The following XKR9 variants were observed in gnomAD, a reference collection of about 807,000 sequenced individuals.
XKR9 encodes the protein XK-related protein 9.
Under a neutral mutation model 32.0 loss-of-function variants are expected in XKR9, and 32 were observed. That is an observed-to-expected ratio of 1.00 (90% CI 0.76 to 1.34). The LOEUF (loss-of-function observed/expected upper bound fraction) is 1.34. XKR9 is among the 40% of genes most tolerant of loss of function. The pLI, the probability that XKR9 is intolerant of heterozygous loss-of-function variation, is 0.00. For synonymous variants in XKR9, 168 were observed against 143.4 expected, an observed-to-expected ratio of 1.17 and a Z score of -1.22; for missense variants, 546 against 429.7, an observed-to-expected ratio of 1.27 and a Z score of -2.39.
Position 70,674,887 on chromosome 8 carries a change from T to A in XKR9, c.-291T>A, listed in dbSNP as rs1818831971. On this transcript the variant is annotated 5_prime_UTR_variant, in exon 2 of 5. Transcript: ENST00000408926. Reference sequence around the variant, plus strand: ...GGGACTTTGAGTCAAAGATGGCTTTTTATATTTGACAAGTAAGTCTATGTT... The same window carrying A: ...GGGACTTTGAGTCAAAGATGGCTTTATATATTTGACAAGTAAGTCTATGTT... 2.0e-5 allele frequency: 3 copies of A among 152,258 alleles called. No homozygotes were observed. The highest frequency in any genetic ancestry group is 2.0e-4 in the Admixed American group (3 of 15,294). The allele number at this position is 152,258 out of a possible 1,614,324, so 9.4% of individuals were successfully genotyped here.
the XKR9 span, among the ~76,000 whole-genome samples, chr8:70,832,128 A>T: frequency 1.3e-5 from 2 of 152,284 alleles, no homozygotes; most frequent in East Asian, 3.9e-4. Context: ...TCTTGAGTGC[A>T]ATTTCCTTTT....
At chr8:70,759,575 C>T (rs1041335132) in intron 2 of XKR9, among the ~76,000 whole-genome samples, 1 of 152,052 alleles carries the variant, frequency 6.6e-6, no homozygotes, top group Admixed American at 6.6e-5. Context: ...GTTATGACAT[C>T]TTGCAGAAGT....
the XKR9 span, among the ~76,000 whole-genome samples, chr8:70,819,174 A>C: frequency 6.6e-6 from 1 of 152,148 alleles, no homozygotes; most frequent in African/African-American, 2.4e-5. Context: ...CTGCATGGAA[A>C]CAGATTTCCT....
At chr8:70,812,410 C>T in the XKR9 span, among the ~76,000 whole-genome samples, 1 of 152,178 alleles carries the variant, frequency 6.6e-6, no homozygotes, top group Non-Finnish European at 1.5e-5. Flanking sequence ...CTCACCACTC[C>T]TATTCAACGT....
the XKR9 span, among the ~76,000 whole-genome samples, chr8:70,870,590 C>T: frequency 6.6e-5 from 10 of 152,122 alleles, no homozygotes; most frequent in African/African-American, 1.9e-4. Context: ...GTCCAAAAGT[C>T]GGTAATTTGC....
At chr8:70,730,751 C>T (rs1178583478) in intron 4 of XKR9, among the ~76,000 whole-genome samples, 6 of 152,156 alleles carry the variant, frequency 3.9e-5, no homozygotes, top group Non-Finnish European at 5.9e-5. Context: ...TGAATCTGGA[C>T]TGCCATTGTC....
At chr8:71,023,526 C>T in the XKR9 span, among the ~76,000 whole-genome samples, 1 of 152,152 alleles carries the variant, frequency 6.6e-6, no homozygotes, top group Non-Finnish European at 1.5e-5. Context: ...CTATCTTTGG[C>T]CCTCCAGGTG....
the XKR9 span, among the ~76,000 whole-genome samples, chr8:70,944,614 G>A: frequency 4.3e-4 from 66 of 152,238 alleles, no homozygotes; most frequent in Non-Finnish European, 7.8e-4. Context: ...AATTTCTTGC[G>A]CTCAGCAGTA....
rs1344495043 is a variant in XKR9, at chr8:70,735,675, C to G, written c.*1251C>G. Reference sequence around the variant, plus strand: ...TCCCCTTCCTGTGTCCATGTGTTCTCATTGTTCAGTTCCCACCTATGAGTG... The same window carrying G: ...TCCCCTTCCTGTGTCCATGTGTTCTGATTGTTCAGTTCCCACCTATGAGTG... On this transcript the variant is annotated 3_prime_UTR_variant, in exon 5 of 5. Coordinates refer to ENST00000408926, the MANE Select transcript of XKR9 (RefSeq NM_001011720.2). The G allele has an allele frequency of 7.2e-6, 1 of 138,436 alleles. No homozygotes were observed. The highest frequency in any genetic ancestry group is 1.5e-5 in the Non-Finnish European group (1 of 66,010). 8.6% of individuals were successfully genotyped at this position (138,436 alleles called of 1,614,324 possible).
At chr8:70,717,849 C>G (rs189661435) in intron 4 of XKR9, among the ~76,000 whole-genome samples, 4 of 152,122 alleles carry the variant, frequency 2.6e-5, no homozygotes, top group South Asian at 2.1e-4. Context: ...CTTTTATGCT[C>G]TGTCACCTCT....
chr8:70,770,811 G>A (rs935885935), intron 2 of XKR9, among the ~76,000 whole-genome samples: 2 of 152,222 alleles, frequency 1.3e-5, no homozygotes, highest in African/African-American at 2.4e-5. Flanking sequence ...CGTGCTGGCA[G>A]TGAGAATTTC....
At chr8:70,956,476 C>T in the XKR9 span, among the ~76,000 whole-genome samples, 1 of 152,172 alleles carries the variant, frequency 6.6e-6, no homozygotes, top group African/African-American at 2.4e-5. Flanking sequence ...ACTCCAGGTG[C>T]CCACTTTGCC....
the XKR9 span, among the ~76,000 whole-genome samples, chr8:70,960,242 TC>T: frequency 0.072 from 9,030 of 125,582 alleles, 382 homozygotes; most frequent in Non-Finnish European, 0.11. Context: ...CAAAACTCCG[TC>T]CCCCCCAAAA....
chr8:71,052,669 T>C, the XKR9 span, among the ~76,000 whole-genome samples: 10,647 of 152,308 alleles, frequency 0.07, 482 homozygotes, highest in Non-Finnish European at 0.092. Context: ...ATTTCTCTCC[T>C]TTCTGCTGGC....
At chr8:70,739,293 C>G (rs112406658), downstream of XKR9, among the ~76,000 whole-genome samples, 1 of 152,052 alleles carries the variant, frequency 6.6e-6, no homozygotes. Context: ...ATTGCAATCC[C>G]TGCCTTTTTT....
the XKR9 span, among the ~76,000 whole-genome samples, chr8:70,975,680 C>A: frequency 2.0e-5 from 3 of 152,178 alleles, no homozygotes; most frequent in African/African-American, 7.2e-5. Flanking sequence ...TAGCGCGATG[C>A]CTCTAGCTTT....
chr8:71,055,859 C>A, the XKR9 span, among the ~76,000 whole-genome samples: 2 of 152,118 alleles, frequency 1.3e-5, no homozygotes, highest in African/African-American at 4.8e-5. Flanking sequence ...TTATATTAAA[C>A]TCAATAATTT....
rs564806573 is a variant in XKR9, at chr8:70,754,136, G to A, written n.353-35203G>A. Among the ~76,000 whole-genome samples, 4 of 145,006 alleles carry A rather than the reference G, an allele frequency of 2.8e-5. 1 individual carries two copies. The highest frequency in any genetic ancestry group is 1.6e-4 in the Admixed American group (2 of 12,688). ...TACACCAATAACAGACAAACAGAGA[G>A]CCAAATCATGAGCAAACTCCCATTC... On this transcript the variant is annotated intron_variant and non_coding_transcript_variant, in intron 2 of 3. Transcript: ENST00000520273.
chr8:70,774,837 T>G (rs1807498173), intron 2 of XKR9, among the ~76,000 whole-genome samples: 1 of 152,178 alleles, frequency 6.6e-6, no homozygotes, highest in South Asian at 2.1e-4. Context: ...AACTTTGTTC[T>G]TTTTCAAAAT....
Sources: gnomAD v4.1 joint callset for allele counts (sites outside exome capture counted in the v4.1 genomes callset) on GRCh38, gnomAD v4.1.1 for gene constraint, MANE v1.5 for transcripts, NCBI Gene and HGNC (gene_info 2026-07-23, HGNC 2026-07-21) for gene names.